The following GLIS3 variants were observed in gnomAD, a reference collection of about 807,000 sequenced individuals.
GLIS3 encodes the protein zinc finger protein GLIS3.
A neutral mutation model predicts 78.6 loss-of-function variants in GLIS3; 53 were observed. The ratio of observed to expected loss-of-function variants is 0.67; its 90% CI spans 0.54 to 0.85. The LOEUF is 0.85. Ranked by LOEUF, GLIS3 falls within the 40% of genes least tolerant of loss-of-function variation. GLIS3 has a pLI of 0.00. For missense variants in GLIS3, 1,703 were observed against 1,231.1 expected (o/e 1.38, Z -5.74); for synonymous variants, 684 against 509.9 (o/e 1.34, Z -4.60).
At chr9:4,072,075 G>A (rs532549509) in intron 4 of GLIS3, among the ~76,000 whole-genome samples, 36 of 152,262 alleles carry the variant, frequency 2.4e-4, no homozygotes, top group Middle Eastern at 3.4e-3. Flanking sequence ...CACTAAAGAA[G>A]TCCAGGCAAA....
intron 4 of GLIS3, among the ~76,000 whole-genome samples, chr9:4,005,246 G>A (rs1821449167): frequency 6.6e-6 from 1 of 152,216 alleles, no homozygotes; most frequent in South Asian, 2.1e-4. Flanking sequence ...ATCAAAATTT[G>A]AAATGTGCAT....
intron 2 of GLIS3, among the ~76,000 whole-genome samples, chr9:4,342,006 T>C (rs934982597): frequency 6.6e-6 from 1 of 152,230 alleles, no homozygotes; most frequent in East Asian, 1.9e-4. Context: ...TAGACCTTTG[T>C]TGGATGCATA....
At position 3,828,162 on chromosome 9, in the gene GLIS3, G is replaced by T. The variant is rs2129920087; in HGVS notation, c.*110C>A. The T allele has an allele frequency of 7.9e-7, 1 of 1,261,528 alleles. No homozygotes were observed. The highest frequency in any genetic ancestry group is 1.1e-6 in the Non-Finnish European group (1 of 870,106). The allele number at this position is 1,261,528 out of a possible 1,614,324, so 78.1% of individuals were successfully genotyped here. A position where few individuals can be genotyped will look rare whatever the true frequency, so the allele number is the denominator to read the frequency against. Reference sequence around the variant, plus strand: ...GAAAGAACATCAGTAACTCTGCAGGGCCCGCTGATTGGGCTGACATCCTTC... The same window carrying T: ...GAAAGAACATCAGTAACTCTGCAGGTCCCGCTGATTGGGCTGACATCCTTC... On this transcript the variant is annotated 3_prime_UTR_variant, in exon 11 of 11. Transcript: ENST00000381971.
chr9:4,343,828 A>G (rs945774290), intron 2 of GLIS3, among the ~76,000 whole-genome samples: 1 of 152,152 alleles, frequency 6.6e-6, no homozygotes, highest in African/African-American at 2.4e-5. Flanking sequence ...AAAACCAAAT[A>G]CCACATGTTC....
intron 4 of GLIS3, among the ~76,000 whole-genome samples, chr9:4,107,468 G>A: frequency 6.6e-6 from 1 of 152,102 alleles, no homozygotes; most frequent in Non-Finnish European, 1.5e-5. Flanking sequence ...TCAGATTGCA[G>A]AGCCATTAGA....
the GLIS3 span, among the ~76,000 whole-genome samples, chr9:4,400,343 G>A: frequency 1.5e-3 from 234 of 152,294 alleles, no homozygotes; most frequent in African/African-American, 5.4e-3. Context: ...GGCTAGAGAA[G>A]CAAAGGGTAG....
chr9:4,375,036 A>C, the GLIS3 span, among the ~76,000 whole-genome samples: 1 of 152,120 alleles, frequency 6.6e-6, no homozygotes, highest in South Asian at 2.1e-4. Context: ...CTAACTTTTC[A>C]CTATTATTAT....
chr9:4,342,893 G>C (rs1817855008), intron 2 of GLIS3, among the ~76,000 whole-genome samples: 1 of 152,166 alleles, frequency 6.6e-6, no homozygotes. Flanking sequence ...TTGGCTCTCA[G>C]CTTGGGCATT....
At chr9:4,453,921 A>C in the GLIS3 span, among the ~76,000 whole-genome samples, 2 of 152,196 alleles carry the variant, frequency 1.3e-5, no homozygotes, top group East Asian at 3.9e-4. Flanking sequence ...GGGTGCAGCA[A>C]ACCAACATGG....
intron 2 of GLIS3, among the ~76,000 whole-genome samples, chr9:4,238,261 A>G (rs1053197555): frequency 3.4e-4 from 51 of 151,090 alleles, no homozygotes; most frequent in Admixed American, 3.1e-3. Context: ...ATCTCTTAAT[A>G]GAACTCAGTA....
intron 2 of GLIS3, among the ~76,000 whole-genome samples, chr9:4,334,337 AT>A (rs1817723698): frequency 6.6e-6 from 1 of 152,184 alleles, no homozygotes; most frequent in South Asian, 2.1e-4. Flanking sequence ...ACAAGCAACA[AT>A]TAAAACGTGG....
At chr9:4,165,378 T>C (rs577101400) in intron 2 of GLIS3, among the ~76,000 whole-genome samples, 11 of 152,146 alleles carry the variant, frequency 7.2e-5, no homozygotes, top group Admixed American at 5.2e-4. Flanking sequence ...GAGGCGGAGG[T>C]TGCAGTGAGC....
At chr9:4,305,607 G>A (rs1273993900) in intron 4 of GLIS3, 5 of 152,310 alleles carry the variant, frequency 3.3e-5, no homozygotes, top group African/African-American at 9.6e-5. Context: ...CATTCCCCTG[G>A]CCATAGGGAT....
chr9:4,329,814 G>A (rs1030084672), intron 2 of GLIS3, among the ~76,000 whole-genome samples: 20 of 152,104 alleles, frequency 1.3e-4, no homozygotes, highest in Admixed American at 5.9e-4. Flanking sequence ...TTCTTCAAGT[G>A]ATGAGGCCTA....
intron 9 of GLIS3, among the ~76,000 whole-genome samples, chr9:3,834,317 G>A (rs973894098): frequency 1.3e-5 from 2 of 152,098 alleles, no homozygotes; most frequent in African/African-American, 2.4e-5. Flanking sequence ...GAGTAAATAT[G>A]ATAATAGAAG....
chr9:4,209,459 G>T (rs974516484), intron 2 of GLIS3, among the ~76,000 whole-genome samples: 2 of 152,164 alleles, frequency 1.3e-5, no homozygotes, highest in African/African-American at 4.8e-5. Context: ...ACTCCAGGTG[G>T]CAAGAGCCCA....
intron 4 of GLIS3, among the ~76,000 whole-genome samples, chr9:4,103,454 C>A (rs1403207292): frequency 6.6e-6 from 1 of 152,070 alleles, no homozygotes; most frequent in African/African-American, 2.4e-5. Flanking sequence ...GAGATACCAC[C>A]AAATTCACTG....
At chr9:4,259,462 G>A (rs997695686) in intron 2 of GLIS3, among the ~76,000 whole-genome samples, 5 of 152,030 alleles carry the variant, frequency 3.3e-5, no homozygotes, top group Non-Finnish European at 7.4e-5. Context: ...AAGGAAGTTA[G>A]GGGTGGGGGA....
intron 2 of GLIS3, among the ~76,000 whole-genome samples, chr9:4,231,801 A>G (rs2131366933): frequency 6.6e-6 from 1 of 152,338 alleles, no homozygotes; most frequent in South Asian, 2.1e-4. Flanking sequence ...AATGTAAACA[A>G]TGGTCCTACT....
Sources: allele counts gnomAD v4.1 joint callset (sites outside exome capture counted in the v4.1 genomes callset), GRCh38; gene constraint gnomAD v4.1.1; transcripts MANE v1.5; gene names NCBI Gene and HGNC (gene_info 2026-07-23, HGNC 2026-07-21).